EVI5: variants seen among roughly 807,000 people sequenced by gnomAD.
EVI5 encodes the protein ecotropic viral integration site 5 protein homolog.
In EVI5, 73 loss-of-function variants were observed where a neutral mutation model predicts 112.0. That is an observed-to-expected ratio of 0.65 (90% confidence interval 0.54 to 0.79). The LOEUF (loss-of-function observed/expected upper bound fraction) is 0.79. EVI5 is among the 30% of genes least tolerant of loss of function. The probability of loss-of-function intolerance (pLI) is 0.00; values close to 1 mark genes in which losing one functional copy is unlikely to be tolerated. For missense variants in EVI5, 900 were observed against 968.8 expected, an observed-to-expected ratio of 0.93 and a Z score of 0.94; for synonymous variants, 305 against 319.9, an observed-to-expected ratio of 0.95 and a Z score of 0.50.
chr1:92,639,476 CA>C (rs1462464739), intron 13 of EVI5, among the ~76,000 whole-genome samples: 1 of 151,264 alleles, frequency 6.6e-6, no homozygotes, highest in Non-Finnish European at 1.5e-5. Flanking sequence ...GGAAGTTTCT[CA>C]TATTATTAAG....
At chr1:92,566,723 G>A (rs1040490090) in intron 18 of EVI5, among the ~76,000 whole-genome samples, 3 of 151,722 alleles carry the variant, frequency 2.0e-5, no homozygotes, top group African/African-American at 4.8e-5. Flanking sequence ...AGATCTTCCA[G>A]TGGGACAAGA....
intron 13 of EVI5, among the ~76,000 whole-genome samples, chr1:92,659,305 T>A (rs1663566802): frequency 6.6e-6 from 1 of 151,660 alleles, no homozygotes. Flanking sequence ...ATCAACAGAG[T>A]GAATAGACAA....
At chr1:92,770,528 C>T (rs574389005) in intron 1 of EVI5, among the ~76,000 whole-genome samples, 74 of 152,254 alleles carry the variant, frequency 4.9e-4, no homozygotes, top group African/African-American at 1.7e-3. Flanking sequence ...AGGTGGCTCA[C>T]GCCTGTAATC....
chr1:92,691,451 A>T (rs1172015846), intron 9 of EVI5, among the ~76,000 whole-genome samples: 3 of 152,208 alleles, frequency 2.0e-5, no homozygotes, highest in Non-Finnish European at 4.4e-5. Flanking sequence ...TTATTATTCT[A>T]TTTTTGTTAT....
intron 19 of EVI5, among the ~76,000 whole-genome samples, chr1:92,557,430 C>T (rs1427489807): frequency 2.0e-5 from 3 of 151,904 alleles, no homozygotes; most frequent in Non-Finnish European, 2.9e-5. Flanking sequence ...GTTACAGGCA[C>T]GCACCACCAT....
intron 19 of EVI5, among the ~76,000 whole-genome samples, chr1:92,525,003 T>A (rs1038890930): frequency 5.3e-5 from 8 of 151,946 alleles, no homozygotes; most frequent in African/African-American, 1.9e-4. Context: ...AATTTTTGTA[T>A]TTTTGGTAGA....
At chr1:92,676,376 A>G (rs1666745938) in intron 10 of EVI5, among the ~76,000 whole-genome samples, 1 of 151,062 alleles carries the variant, frequency 6.6e-6, no homozygotes, top group Admixed American at 6.6e-5. Context: ...TCACTCCACT[A>G]AAATTATTTT....
intron 18 of EVI5, among the ~76,000 whole-genome samples, chr1:92,600,233 T>C (rs955437800): frequency 6.6e-6 from 1 of 152,068 alleles, no homozygotes; most frequent in African/African-American, 2.4e-5. Context: ...AGATCAGAAA[T>C]GTATAGGAAG....
At chr1:92,760,795 G>A (rs1246532880) in intron 1 of EVI5, among the ~76,000 whole-genome samples, 2 of 150,240 alleles carry the variant, frequency 1.3e-5, no homozygotes, top group African/African-American at 2.4e-5. Flanking sequence ...AGTGGCTCAC[G>A]CCTGTAATCC....
At chr1:92,714,048 A>G (rs1673242094) in intron 2 of EVI5, 5 of 985,000 alleles carry the variant, frequency 5.1e-6, no homozygotes, top group Non-Finnish European at 6.0e-6. Flanking sequence ...ATGAAAAAAG[A>G]AAAGCACATT....
At position 92,668,923 on chromosome 1, in the gene EVI5, T is replaced by C. The variant is rs184670789; in HGVS notation, c.1159-2931A>G. 3.5e-3 allele frequency among the ~76,000 whole-genome samples: 539 copies of C among 152,366 alleles called. 1 individual carries two copies. The highest frequency in any genetic ancestry group is 6.1e-3 in the Non-Finnish European group (415 of 68,022). On this transcript the variant is annotated intron_variant, in intron 10 of 19. Transcript: ENST00000684568. The stretch of plus-strand genomic sequence containing the variant: ...ATTGTTCCCAAACCCCAAATACTAG[T>C]ATACTAAAGTAGCTAAGAGACTAGG...
chr1:92,726,113 T>C (rs956860400), intron 2 of EVI5, among the ~76,000 whole-genome samples: 10 of 152,166 alleles, frequency 6.6e-5, no homozygotes, highest in African/African-American at 2.4e-4. Context: ...TTAGAGTCTC[T>C]AAAGAAGAGG....
At chr1:92,719,317 A>C (rs1462682012) in intron 2 of EVI5, among the ~76,000 whole-genome samples, 1 of 152,050 alleles carries the variant, frequency 6.6e-6, no homozygotes, top group Non-Finnish European at 1.5e-5. Flanking sequence ...GGCAAACCGA[A>C]TCCAGCAGCA....
Position 92,511,100 on chromosome 1 carries a change from G to A in EVI5, c.*2556C>T, listed in dbSNP as rs957606000. On this transcript the variant is annotated 3_prime_UTR_variant, in exon 20 of 20. Transcript: ENST00000684568. ...AGTGTTGATACTCATCTATCTATCT[G>A]TATATATATTCAGGAAACATTTAAA... The A allele has an allele frequency of 6.6e-6, 1 of 152,084 alleles. No homozygotes were observed. The highest frequency in any genetic ancestry group is 2.4e-5 in the African/African-American group (1 of 41,392). 9.4% of individuals were successfully genotyped at this position (152,084 alleles called of 1,614,324 possible). A position where few individuals can be genotyped will look rare whatever the true frequency, so the allele number is the denominator to read the frequency against.
chr1:92,581,025 ATAAT>A (rs1671850834), intron 18 of EVI5, among the ~76,000 whole-genome samples: 2 of 152,210 alleles, frequency 1.3e-5, no homozygotes, highest in South Asian at 4.1e-4. Flanking sequence ...ATAATCAATA[ATAAT>A]TAATAAATAA....
chr1:92,571,931 C>T (rs1670378732), intron 18 of EVI5, among the ~76,000 whole-genome samples: 1 of 152,138 alleles, frequency 6.6e-6, no homozygotes, highest in East Asian at 1.9e-4. Flanking sequence ...AACATATCAA[C>T]AACTTTGGTA....
At chr1:92,644,848 T>C (rs1245753390) in intron 13 of EVI5, among the ~76,000 whole-genome samples, 2 of 152,196 alleles carry the variant, frequency 1.3e-5, no homozygotes, top group Non-Finnish European at 2.9e-5. Context: ...AATTTCTAAT[T>C]GAATGATATT....
intron 9 of EVI5, among the ~76,000 whole-genome samples, chr1:92,680,931 C>G (rs1267150695): frequency 1.3e-5 from 2 of 151,974 alleles, no homozygotes; most frequent in East Asian, 3.9e-4. Context: ...TTAAAGAAAA[C>G]CAAATAGGTA....
chr1:92,723,707 G>A (rs919245501), intron 2 of EVI5, among the ~76,000 whole-genome samples: 2 of 152,270 alleles, frequency 1.3e-5, no homozygotes, highest in East Asian at 1.9e-4. Flanking sequence ...CGATTTTCAG[G>A]GAACAAGGGA....
Sources: allele counts gnomAD v4.1 joint callset (sites outside exome capture counted in the v4.1 genomes callset), GRCh38; gene constraint gnomAD v4.1.1; transcripts MANE v1.5; gene names NCBI Gene and HGNC (gene_info 2026-07-23, HGNC 2026-07-21).